Variants in DNAH3 observed in about 807,000 individuals in gnomAD.
The protein encoded by DNAH3 is dynein axonemal heavy chain 3.
DNAH3 carries 332 observed loss-of-function variants against 432.5 expected under a neutral mutation model. The observed-to-expected ratio is 0.77, with a 90% CI of 0.70 to 0.84. DNAH3 has a LOEUF of 0.84. Among genes scored for constraint, DNAH3 ranks in the 40% least tolerant of loss-of-function variants. DNAH3 has a pLI of 0.00. For missense variants in DNAH3, 4,861 were observed against 5,114.0 expected, an observed-to-expected ratio of 0.95 and a Z score of 1.51; for synonymous variants, 1,956 against 1,900.2, an observed-to-expected ratio of 1.03 and a Z score of -0.76.
At chr16:20,987,983 A>G in exon 45 of DNAH3, 1 of 1,614,230 alleles carries the variant, frequency 6.2e-7, no homozygotes, top group Non-Finnish European at 8.5e-7. Flanking sequence ...AGTGCCAGTC[A>G]ACAATCGAAC....
intron 61 of DNAH3, 96 bp from the exon 62 acceptor site, chr16:20,933,603 T>A: frequency 7.4e-6 from 7 of 949,420 alleles, no homozygotes; most frequent in Non-Finnish European, 1.1e-5. Flanking sequence ...AAGTGCAACC[T>A]GGTTGCAATA....
chr16:21,042,749 C>T (rs1251558654), intron 31 of DNAH3, among the ~76,000 whole-genome samples: 1 of 151,952 alleles, frequency 6.6e-6, no homozygotes, highest in Non-Finnish European at 1.5e-5. Flanking sequence ...TATACATGTG[C>T]CATGCTGGTG....
In DNAH3 at chr16:21,031,029, C is replaced by G; in HGVS notation, c.5439+16G>C. On this transcript the variant is annotated intron_variant, in intron 37 of 61. Coordinates refer to ENST00000261383, the Ensembl canonical transcript of DNAH3. The stretch of plus-strand genomic sequence containing the variant: ...TGTCTCACTCATGGAAAAGTCATAT[C>G]AGGGTCAATACTTACCTTTTTATTG... 1 of 1,613,134 alleles carries G rather than the reference C, an allele frequency of 6.2e-7. No homozygotes were observed. The highest frequency in any genetic ancestry group is 8.5e-7 in the Non-Finnish European group (1 of 1,179,336).
rs1381050215 is a variant in DNAH3, at chr16:21,033,959, G to A, written c.5197+15C>T. ...GAGTTCTGTCCTCCCTGGAAGCCAG[G>A]GATGTGAGCTTTACCTGCGTGTAAA... On this transcript the variant is annotated intron_variant, in intron 36 of 61. Transcript: ENST00000261383. The A allele has an allele frequency of 1.3e-6, 2 of 1,598,754 alleles. No homozygotes were observed. The highest frequency in any genetic ancestry group is 1.7e-6 in the Non-Finnish European group (2 of 1,167,100).
chr16:21,042,220 C>G lies in DNAH3; in HGVS notation c.4462-17G>C, dbSNP rs771138028. 1.3e-6 allele frequency: 2 copies of G among 1,573,928 alleles called. No homozygotes were observed. Among genetic ancestry groups the G allele is most frequent in the East Asian group, 2.3e-5 (1 of 43,926 alleles). On this transcript the variant is annotated splice_polypyrimidine_tract_variant and intron_variant, in intron 31 of 61. Coordinates refer to ENST00000261383, the Ensembl canonical transcript of DNAH3. ...CACTTCTACCTGGGGTGAGAATGCCCGGCTGATAAGAGCATCTGCTTCTGT... is the reference window on the plus strand; with the variant it reads ...CACTTCTACCTGGGGTGAGAATGCCGGGCTGATAAGAGCATCTGCTTCTGT...
At chr16:21,037,840 T>A in exon 34 of DNAH3, 1 of 1,614,216 alleles carries the variant, frequency 6.2e-7, no homozygotes, top group Non-Finnish European at 8.5e-7. Flanking sequence ...GACACTTTCA[T>A]TCTCCTCTGG....
intron 44 of DNAH3, among the ~76,000 whole-genome samples, chr16:20,989,796 C>G (rs2086450801): frequency 6.6e-6 from 1 of 152,244 alleles, no homozygotes; most frequent in Non-Finnish European, 1.5e-5. Context: ...CGCGGCAAGG[C>G]AGCTAAGGCT....
intron 1 of DNAH3, among the ~76,000 whole-genome samples, chr16:21,151,705 G>A (rs1264177553): frequency 6.6e-6 from 1 of 152,046 alleles, no homozygotes; most frequent in Admixed American, 6.6e-5. Context: ...TAAATGTTGT[G>A]GCTAACATCA....
At chr16:20,964,697 A>C in exon 53 of DNAH3, 1 of 1,614,118 alleles carries the variant, frequency 6.2e-7, no homozygotes, top group Non-Finnish European at 8.5e-7. Flanking sequence ...ATGGAGAAGG[A>C]GTCAACGGGA....
At chr16:21,054,595 G>T in intron 27 of DNAH3, 61 bp from the exon 28 acceptor site, 2 of 1,286,958 alleles carry the variant, frequency 1.6e-6, no homozygotes, top group Non-Finnish European at 2.2e-6. Flanking sequence ...TAATCCCCAT[G>T]TCAAGAAATG....
rs748908572 is a variant in DNAH3 at position 21,024,716 on chromosome 16, G to GGACCA, written c.5541-20_5541-16dup. 3.1e-6 allele frequency: 5 copies of GGACCA among 1,604,524 alleles called. No homozygotes were observed. The highest frequency in any genetic ancestry group is 4.3e-6 in the Non-Finnish European group (5 of 1,171,536). ...TCATCCCACACCTGGGAAGCACAGA[G>GGACCA]GACCAGTTTAGGTGCTCGCTTCTTT... On this transcript the variant is annotated splice_polypyrimidine_tract_variant and intron_variant, in intron 38 of 61. Transcript: ENST00000261383.
intron 42 of DNAH3, among the ~76,000 whole-genome samples, chr16:21,001,285 C>G (rs2087005529): frequency 6.6e-6 from 1 of 152,158 alleles, no homozygotes; most frequent in Non-Finnish European, 1.5e-5. Flanking sequence ...TGAGTTTGAA[C>G]CCTGTCATCA....
chr16:21,123,939 C>T lies in DNAH3; in HGVS notation c.1404+1236G>A, dbSNP rs2092395638. Among the ~76,000 whole-genome samples, 7 of 151,930 alleles carry T rather than the reference C, an allele frequency of 4.6e-5. No individual in the cohort carries two copies. The South Asian group carries it at 1.5e-3, about 32-fold the overall frequency. On this transcript the variant is annotated intron_variant, in intron 9 of 61. Transcript: ENST00000261383. ...TCCTGAGTAGCTGGGACTACAGGCACACACCACCACACCCGGCTAATTTTT... is the reference window on the plus strand; with the variant it reads ...TCCTGAGTAGCTGGGACTACAGGCATACACCACCACACCCGGCTAATTTTT...
At chr16:21,064,863 GTGTGTGTGTGTGT>G (rs2090487726) in intron 24 of DNAH3, among the ~76,000 whole-genome samples, 1 of 66,474 alleles carries the variant, frequency 1.5e-5, no homozygotes, top group African/African-American at 6.6e-5. Flanking sequence ...TGAGGTAGGT[GTGTGTGTGTGTGT>G]GTGTGTGTGT....
chr16:20,936,997 C>T (rs548747421), intron 59 of DNAH3, 144 bp from the exon 60 acceptor site: 5 of 663,834 alleles, frequency 7.5e-6, no homozygotes, highest in Non-Finnish European at 1.3e-5. Context: ...CGTTACCTTG[C>T]TACCTAAAGA....
chr16:21,085,422 C>T (rs1265604671), intron 19 of DNAH3, among the ~76,000 whole-genome samples: 4 of 148,098 alleles, frequency 2.7e-5, no homozygotes, highest in African/African-American at 5.0e-5. Context: ...CACGTGCCTG[C>T]AATCCCAGCT....
At chr16:21,089,949 A>G (rs2091482031) in intron 18 of DNAH3, among the ~76,000 whole-genome samples, 1 of 152,150 alleles carries the variant, frequency 6.6e-6, no homozygotes, top group Admixed American at 6.5e-5. Context: ...AAGAAAAAAG[A>G]AAGAAGATGC....
intron 39 of DNAH3, 120 bp from the exon 40 acceptor site, chr16:21,022,220 T>C: frequency 1.9e-6 from 2 of 1,046,428 alleles, no homozygotes; most frequent in Non-Finnish European, 2.8e-6. Flanking sequence ...TAAATGTAGG[T>C]GCATTGGGGG....
intron 52 of DNAH3, among the ~76,000 whole-genome samples, chr16:20,969,148 T>G (rs2085205423): frequency 6.7e-6 from 1 of 149,544 alleles, no homozygotes; most frequent in Non-Finnish European, 1.5e-5. Context: ...CCCGATTTCC[T>G]TCTCTCCTGG....
Sources: gnomAD v4.1 joint callset for allele counts (sites outside exome capture counted in the v4.1 genomes callset) on GRCh38, gnomAD v4.1.1 for gene constraint, MANE v1.5 for transcripts, NCBI Gene and HGNC (gene_info 2026-07-23, HGNC 2026-07-21) for gene names.